The following UNC5C variants were observed in gnomAD, a reference collection of about 807,000 sequenced individuals.
UNC5C encodes netrin receptor UNC5C.
Under a neutral mutation model 99.8 loss-of-function variants are expected in UNC5C, and 47 were observed. The observed-to-expected ratio is 0.47, with a 90% CI of 0.37 to 0.60. The LOEUF (loss-of-function observed/expected upper bound fraction) is 0.60, where lower values mean the gene tolerates loss of function less well. UNC5C is among the 20% of genes least tolerant of loss of function. The pLI, the probability that UNC5C is intolerant of heterozygous loss-of-function variation, is 0.00. For synonymous variants in UNC5C, 487 were observed against 452.2 expected (o/e 1.08, Z -0.98); for missense variants, 1,062 against 1,165.9 (o/e 0.91, Z 1.30).
chr4:95,451,765 C>A (rs1356513640), intron 1 of UNC5C, among the ~76,000 whole-genome samples: 1 of 152,090 alleles, frequency 6.6e-6, no homozygotes, highest in Non-Finnish European at 1.5e-5. Context: ...TTGATAAACA[C>A]CTCTCTTTAG....
chr4:95,437,491 GA>G (rs1274488393), intron 1 of UNC5C, among the ~76,000 whole-genome samples: 1 of 151,814 alleles, frequency 6.6e-6, no homozygotes, highest in Admixed American at 6.6e-5. Flanking sequence ...TAGCACTTGG[GA>G]AAAAATACAG....
At chr4:95,394,651 CTGTGTG>C (rs10527279) in intron 1 of UNC5C, among the ~76,000 whole-genome samples, 1 of 147,632 alleles carries the variant, frequency 6.8e-6, no homozygotes, top group Non-Finnish European at 1.5e-5. Flanking sequence ...AAGGTATTTG[CTGTGTG>C]TGTGTGTGTG....
At chr4:95,174,531 G>A (rs961634290) in intron 14 of UNC5C, among the ~76,000 whole-genome samples, 68 of 152,152 alleles carry the variant, frequency 4.5e-4, no homozygotes, top group African/African-American at 1.4e-3. Context: ...AGGTTGTTCA[G>A]TTTCTATGTA....
intron 3 of UNC5C, among the ~76,000 whole-genome samples, chr4:95,282,799 G>A (rs1741106994): frequency 6.6e-6 from 1 of 152,164 alleles, no homozygotes; most frequent in Non-Finnish European, 1.5e-5. Flanking sequence ...ATCACACAAG[G>A]TAGGTTAGAT....
intron 7 of UNC5C, among the ~76,000 whole-genome samples, chr4:95,238,512 T>C (rs1170697864): frequency 6.6e-6 from 1 of 152,160 alleles, no homozygotes; most frequent in Non-Finnish European, 1.5e-5. Context: ...TTTAGCTCCA[T>C]CTTATTTTCA....
intron 12 of UNC5C, among the ~76,000 whole-genome samples, chr4:95,186,667 C>T (rs1003418376): frequency 1.3e-5 from 2 of 152,112 alleles, no homozygotes; most frequent in African/African-American, 4.8e-5. Context: ...TCAGACAGGG[C>T]GTCCTCTAGT....
At chr4:95,505,265 C>A (rs569897996) in intron 1 of UNC5C, among the ~76,000 whole-genome samples, 2 of 152,136 alleles carry the variant, frequency 1.3e-5, no homozygotes, top group South Asian at 2.1e-4. Flanking sequence ...AAACAAGAGG[C>A]CAATTCAAGA....
rs763665652 is a variant in UNC5C, at chr4:95,170,237, C to T, written c.2547G>A (p.Arg849=). 1 of 1,614,092 alleles carries T rather than the reference C, an allele frequency of 6.2e-7. No individual in the cohort carries two copies. Among genetic ancestry groups the T allele is most frequent in the South Asian group, 1.1e-5 (1 of 91,066 alleles). ...CATCCAGGCTGCTACAGAGCTTCTG[C>T]CGGATAGGGAGAGGGATGCTGAAAG... ...PSAFSIPLPI[R]QKLCSSLDAP... Residue 849 remains arginine (R), a synonymous_variant, in exon 15 of 16, where the codon CGG becomes CGA. Coordinates refer to ENST00000453304, the MANE Select transcript of UNC5C (RefSeq NM_003728.4).
chr4:95,457,844 G>A (rs554035317), intron 1 of UNC5C, among the ~76,000 whole-genome samples: 4 of 152,212 alleles, frequency 2.6e-5, no homozygotes, highest in East Asian at 1.9e-4. Context: ...CAACCACAAC[G>A]AAAGCATGTG....
At chr4:95,264,300 C>T (rs1740353126) in intron 4 of UNC5C, among the ~76,000 whole-genome samples, 1 of 152,186 alleles carries the variant, frequency 6.6e-6, no homozygotes, top group African/African-American at 2.4e-5. Context: ...ACATGCCACT[C>T]TGAAGACCAT....
intron 1 of UNC5C, among the ~76,000 whole-genome samples, chr4:95,425,574 G>A (rs1386586616): frequency 6.6e-6 from 1 of 152,198 alleles, no homozygotes; most frequent in African/African-American, 2.4e-5. Context: ...CGCCCAAAGT[G>A]TTGGGATTAC....
chr4:95,497,913 A>T (rs949525070), intron 1 of UNC5C, among the ~76,000 whole-genome samples: 1 of 152,012 alleles, frequency 6.6e-6, no homozygotes, highest in Admixed American at 6.6e-5. Context: ...TTCTTTAATA[A>T]GCTTTTAAAT....
intron 1 of UNC5C, among the ~76,000 whole-genome samples, chr4:95,421,330 C>A (rs1438104995): frequency 1.3e-5 from 2 of 152,112 alleles, no homozygotes; most frequent in African/African-American, 4.8e-5. Context: ...CAGGGGAGAC[C>A]CCAATAAGCC....
chr4:95,240,234 T>C (rs1739280048), intron 7 of UNC5C, among the ~76,000 whole-genome samples: 2 of 152,346 alleles, frequency 1.3e-5, no homozygotes, highest in South Asian at 4.1e-4. Flanking sequence ...TCTTGCGAAC[T>C]TTGCACTTTC....
chr4:95,495,654 A>G (rs1293595925), intron 1 of UNC5C, among the ~76,000 whole-genome samples: 1 of 151,742 alleles, frequency 6.6e-6, no homozygotes, highest in African/African-American at 2.4e-5. Context: ...CCAAGGCTTC[A>G]GCAAGTTAAA....
At chr4:95,427,106 C>A (rs993510274) in intron 1 of UNC5C, among the ~76,000 whole-genome samples, 3 of 152,096 alleles carry the variant, frequency 2.0e-5, no homozygotes, top group Non-Finnish European at 4.4e-5. Context: ...GAAGCAATTG[C>A]AGATGTGGTG....
In UNC5C at chr4:95,335,433, T is replaced by A; in HGVS notation, c.323A>T (p.Asp108Val). 2 of 1,611,418 alleles carry A rather than the reference T, an allele frequency of 1.2e-6. No homozygotes were observed. The highest frequency in any genetic ancestry group is 1.7e-6 in the Non-Finnish European group (2 of 1,178,510). ...EWVHQKDHIV[D>V]ERVDETSGLI... ...ACCGGAAGTTTCATCTACTCTTTCA[T>A]CTACTATGTGGTCCTTCTGATGAAC... The change falls in exon 2 of 16, where the codon GAT becomes GTT. Residue 108 changes from aspartate (D) to valine (V), a missense_variant. Coordinates refer to ENST00000453304, the MANE Select transcript of UNC5C (RefSeq NM_003728.4).
intron 2 of UNC5C, among the ~76,000 whole-genome samples, chr4:95,309,544 T>A (rs1742200515): frequency 6.6e-6 from 1 of 151,778 alleles, no homozygotes; most frequent in African/African-American, 2.4e-5. Context: ...TGATAAAGGG[T>A]CAATAGATAA....
At chr4:95,185,217 C>G in intron 12 of UNC5C, 21 bp from the exon 13 acceptor site, 2 of 1,588,438 alleles carry the variant, frequency 1.3e-6, no homozygotes, top group Non-Finnish European at 1.7e-6. Context: ...ATGCCCCAAA[C>G]CCAAAGCACG....
Sources: gnomAD v4.1 joint callset for allele counts (sites outside exome capture counted in the v4.1 genomes callset) on GRCh38, gnomAD v4.1.1 for gene constraint, MANE v1.5 for transcripts, NCBI Gene and HGNC (gene_info 2026-07-23, HGNC 2026-07-21) for gene names.